ATP5F1A: variants seen among roughly 807,000 people sequenced by gnomAD.
ATP5F1A encodes ATP synthase F1 subunit alpha, also known as ATP synthase F(1) complex subunit alpha, mitochondrial.
Under a neutral mutation model 57.4 loss-of-function variants are expected in ATP5F1A, and 24 were observed. That is an observed-to-expected ratio of 0.42 (90% confidence interval 0.30 to 0.59). ATP5F1A has a LOEUF of 0.59. ATP5F1A is among the 20% of genes least tolerant of loss of function. The pLI is 0.19. For synonymous variants in ATP5F1A, 251 were observed against 255.5 expected, an observed-to-expected ratio of 0.98 and a Z score of 0.17; for missense variants, 494 against 707.9, an observed-to-expected ratio of 0.70 and a Z score of 3.43.
At chr18:46,098,663 C>A (rs991447531), upstream of ATP5F1A, among the ~76,000 whole-genome samples, 1 of 151,994 alleles carries the variant, frequency 6.6e-6, no homozygotes, top group African/African-American at 2.4e-5. Context: ...TTAATAGTGT[C>A]GGTAGTGTTA....
chr18:46,080,387 T>G lies in ATP5F1A; in HGVS notation c.*3895A>C, dbSNP rs1909678060. 1 of 152,220 alleles carries G rather than the reference T, an allele frequency of 6.6e-6. No individual in the cohort carries two copies. Among genetic ancestry groups the G allele is most frequent in the Non-Finnish European group, 1.5e-5 (1 of 68,032 alleles). The allele number at this position is 152,220 out of a possible 1,614,324, so 9.4% of individuals were successfully genotyped here. A position where few individuals can be genotyped will look rare whatever the true frequency, so the allele number is the denominator to read the frequency against. ...ACAGACACAATTTTATGACAGCCAT[T>G]TTGTTGCCACACAGAAGGGCCACTT... On this transcript the variant is annotated 3_prime_UTR_variant, in exon 12 of 12. Coordinates refer to ENST00000398752, the MANE Select transcript of ATP5F1A (RefSeq NM_004046.6).
upstream of ATP5F1A, among the ~76,000 whole-genome samples, chr18:46,102,882 A>C (rs1179304393): frequency 6.6e-6 from 1 of 152,144 alleles, no homozygotes; most frequent in East Asian, 1.9e-4. Flanking sequence ...CAGGAGTTCA[A>C]GGTTGCAGTG....
intron 3 of ATP5F1A, 44 bp from the exon 4 acceptor site, chr18:46,090,040 A>C: frequency 1.5e-6 from 2 of 1,329,738 alleles, no homozygotes; most frequent in South Asian, 1.5e-5. Flanking sequence ...CTGAATGGGC[A>C]CTCCTCCCCA....
upstream of ATP5F1A, among the ~76,000 whole-genome samples, chr18:46,101,297 G>A (rs1911267096): frequency 2.0e-5 from 3 of 152,110 alleles, no homozygotes; most frequent in Admixed American, 2.0e-4. Context: ...GGGCATGGTG[G>A]CTCACGCATG....
At chr18:46,091,226 A>T (rs1271527791) in intron 3 of ATP5F1A, among the ~76,000 whole-genome samples, 1 of 152,190 alleles carries the variant, frequency 6.6e-6, no homozygotes, top group African/African-American at 2.4e-5. Flanking sequence ...TCAACCCAAT[A>T]CAAAGTAGAC....
chr18:46,089,051 A>ACC (rs1168416869), intron 5 of ATP5F1A, among the ~76,000 whole-genome samples: 1 of 151,538 alleles, frequency 6.6e-6, no homozygotes, highest in Non-Finnish European at 1.5e-5. Flanking sequence ...TTTCCTGCTG[A>ACC]CCCTCTCCCC....
exon 1 of ATP5F1A, chr18:46,104,219 G>T: frequency 2.4e-6 from 1 of 424,232 alleles, no homozygotes; most frequent in East Asian, 3.6e-5. Context: ...ACGAAGCGAG[G>T]CTTGCAATGC....
Position 46,089,727 on chromosome 18 carries a change from T to C in ATP5F1A, c.489A>G (p.Pro163=). 6.2e-7 allele frequency: 1 copy of C among 1,613,536 alleles called. No individual in the cohort carries two copies. The change falls in exon 5 of 12, where the codon CCA becomes CCG. Residue 163 remains proline (P), a synonymous_variant. Coordinates refer to ENST00000398752, the MANE Select transcript of ATP5F1A (RefSeq NM_004046.6). The part of the protein sequence containing the change: ...ALGNAIDGKG[P]IGSKTRRRVG... The stretch of plus-strand genomic sequence containing the variant: ...CTCGCCTACGCGTCTTGGAACCAAT[T>C]GGACCCTGTTAAAAAATAAAAAGAA...
chr18:46,089,457 G>T (rs1056590191), intron 5 of ATP5F1A, 109 bp downstream of exon 5: 6 of 1,282,308 alleles, frequency 4.7e-6, no homozygotes, highest in Non-Finnish European at 6.5e-6. Flanking sequence ...ATTAATCCTC[G>T]TATTAGATTC....
rs921408426 is a variant in ATP5F1A at position 46,080,359 on chromosome 18, CACACAG to C, written c.*3917_*3922del. On this transcript the variant is annotated 3_prime_UTR_variant, in exon 12 of 12. Transcript: ENST00000398752. Reference sequence around the variant, plus strand: ...ACCACCCCCAGTGATAAGATAAATGCACACAGACACAATTTTATGACAGCCATTTTG... The same window carrying C: ...ACCACCCCCAGTGATAAGATAAATGCACACAATTTTATGACAGCCATTTTG... 6.6e-6 allele frequency: 1 copy of C among 152,188 alleles called. No individual in the cohort carries two copies. Among genetic ancestry groups the C allele is most frequent in the Non-Finnish European group, 1.5e-5 (1 of 68,038 alleles). The allele number at this position is 152,188 out of a possible 1,614,324, so 9.4% of individuals were successfully genotyped here. A position where few individuals can be genotyped will look rare whatever the true frequency, so the allele number is the denominator to read the frequency against.
Position 46,098,285 on chromosome 18 carries a change from T to C in ATP5F1A, c.-54A>G. On this transcript the variant is annotated 5_prime_UTR_variant, in exon 1 of 12. Transcript: ENST00000398752. The stretch of plus-strand genomic sequence containing the variant: ...CTGCAGCCGCAGCCTCCGGACTGAC[T>C]GGGACAAAATGGCCGAGCCGCAAAG... The C allele has an allele frequency of 6.5e-7, 1 of 1,537,992 alleles. No homozygotes were observed. Among genetic ancestry groups the C allele is most frequent in the Non-Finnish European group, 8.8e-7 (1 of 1,142,332 alleles).
intron 2 of ATP5F1A, chr18:46,093,180 T>G (rs1910688557): frequency 6.6e-6 from 1 of 151,970 alleles, no homozygotes; most frequent in African/African-American, 2.4e-5. Context: ...AAAAATCAAC[T>G]GTTAACAAAG....
upstream of ATP5F1A, among the ~76,000 whole-genome samples, chr18:46,101,002 G>A (rs1375716097): frequency 2.0e-5 from 3 of 152,120 alleles, no homozygotes; most frequent in African/African-American, 7.2e-5. Flanking sequence ...GAACCTGGAG[G>A]CAGAGGTTGC....
Position 46,088,274 on chromosome 18 carries a change from TA to T in ATP5F1A, c.651-18del. 2 of 1,560,420 alleles carry T rather than the reference TA, an allele frequency of 1.3e-6. No individual in the cohort carries two copies. The highest frequency in any genetic ancestry group is 1.7e-6 in the Non-Finnish European group (2 of 1,161,076). On this transcript the variant is annotated intron_variant, in intron 5 of 11. Coordinates refer to ENST00000398752, the MANE Select transcript of ATP5F1A (RefSeq NM_004046.6). Reference sequence around the variant, plus strand: ...GAGGTTTTCCTTTAAAAAGAGAAAGTAAATATAAATCTTCCTAAACTTAAAA... The same window carrying T: ...GAGGTTTTCCTTTAAAAAGAGAAAGTAATATAAATCTTCCTAAACTTAAAA...
chr18:46,098,583 G>A (rs1026262657), upstream of ATP5F1A, among the ~76,000 whole-genome samples: 2 of 151,958 alleles, frequency 1.3e-5, no homozygotes, highest in Non-Finnish European at 2.9e-5. Flanking sequence ...CAGTTCCCAG[G>A]CCCCATCTGG....
intron 1 of ATP5F1A, among the ~76,000 whole-genome samples, chr18:46,096,148 C>CA (rs1910932175): frequency 6.6e-6 from 1 of 152,230 alleles, no homozygotes; most frequent in African/African-American, 2.4e-5. Context: ...CTTGGCCTCC[C>CA]AAAGTGCTGG....
rs891713874 is a variant in ATP5F1A, at chr18:46,080,836, G to C, written c.*3446C>G. ...AAAAATCACATTTTTAAATATCACT[G>C]TGCCTGGCGTGGGCCAGGCACAGTG... On this transcript the variant is annotated 3_prime_UTR_variant, in exon 12 of 12. Coordinates refer to ENST00000398752, the MANE Select transcript of ATP5F1A (RefSeq NM_004046.6). 6.6e-6 allele frequency: 1 copy of C among 151,544 alleles called. No individual in the cohort carries two copies. Among genetic ancestry groups the C allele is most frequent in the African/African-American group, 2.4e-5 (1 of 41,298 alleles). The allele number at this position is 151,544 out of a possible 1,614,324, so 9.4% of individuals were successfully genotyped here. A position where few individuals can be genotyped will look rare whatever the true frequency, so the allele number is the denominator to read the frequency against.
upstream of ATP5F1A, among the ~76,000 whole-genome samples, chr18:46,101,154 C>T (rs1433672151): frequency 6.6e-6 from 1 of 152,182 alleles, no homozygotes; most frequent in Non-Finnish European, 1.5e-5. Context: ...ATTTTTGGAG[C>T]AATGTTATGT....
At chr18:46,087,795 G>T (rs945405981) in intron 6 of ATP5F1A, 2 of 431,280 alleles carry the variant, frequency 4.6e-6, no homozygotes, top group African/African-American at 2.0e-5. Flanking sequence ...CAGGAGAATC[G>T]CTTGAACCCA....
Sources: allele counts gnomAD v4.1 joint callset (sites outside exome capture counted in the v4.1 genomes callset), GRCh38; gene constraint gnomAD v4.1.1; transcripts MANE v1.5; gene names NCBI Gene and HGNC (gene_info 2026-07-23, HGNC 2026-07-21).